The following SHISA9 variants were observed in gnomAD, a reference collection of about 807,000 sequenced individuals.
SHISA9 encodes the protein protein shisa-9.
Under a neutral mutation model 38.0 loss-of-function variants are expected in SHISA9, and 13 were observed. The observed-to-expected ratio is 0.34, with a 90% CI of 0.22 to 0.54. The LOEUF (loss-of-function observed/expected upper bound fraction) is 0.54. SHISA9 is among the 20% of genes least tolerant of loss of function. The pLI, the probability that SHISA9 is intolerant of heterozygous loss-of-function variation, is 0.91. For missense variants in SHISA9, 538 were observed against 575.8 expected (o/e 0.93, Z 0.67); for synonymous variants, 275 against 242.0 (o/e 1.14, Z -1.27).
chr16:13,406,798 G>A, the SHISA9 span, among the ~76,000 whole-genome samples: 1 of 152,160 alleles, frequency 6.6e-6, no homozygotes, highest in Non-Finnish European at 1.5e-5. Flanking sequence ...GTCGGGTGCG[G>A]TGGCTCATGC....
intron 2 of SHISA9, among the ~76,000 whole-genome samples, chr16:13,089,290 T>A (rs1240422786): frequency 2.0e-5 from 3 of 152,218 alleles, no homozygotes; most frequent in African/African-American, 2.4e-5. Flanking sequence ...TGCCAGGCTT[T>A]GGTATCAGGA....
the SHISA9 span, among the ~76,000 whole-genome samples, chr16:13,258,778 G>C: frequency 6.6e-6 from 1 of 152,182 alleles, no homozygotes; most frequent in Non-Finnish European, 1.5e-5. Flanking sequence ...ACTAGAAAGA[G>C]AATAGCATGG....
intron 4 of SHISA9, among the ~76,000 whole-genome samples, chr16:13,223,348 T>G (rs958566013): frequency 3.3e-5 from 5 of 152,170 alleles, no homozygotes; most frequent in Admixed American, 6.5e-5. Context: ...GAGGATCACT[T>G]GAACCCAGGA....
the SHISA9 span, among the ~76,000 whole-genome samples, chr16:13,480,483 C>A: frequency 6.6e-6 from 1 of 152,172 alleles, no homozygotes; most frequent in Non-Finnish European, 1.5e-5. Context: ...CAGCGTGCAC[C>A]TTGCTGGTCA....
At chr16:13,130,724 T>C (rs1369202923) in intron 2 of SHISA9, among the ~76,000 whole-genome samples, 1 of 152,232 alleles carries the variant, frequency 6.6e-6, no homozygotes, top group Non-Finnish European at 1.5e-5. Context: ...AGACTTTGTG[T>C]ACCATGCAAT....
chr16:13,405,135 C>A, the SHISA9 span, among the ~76,000 whole-genome samples: 1 of 152,098 alleles, frequency 6.6e-6, no homozygotes, highest in Non-Finnish European at 1.5e-5. Context: ...TATAGTGTAG[C>A]AAAAGTAGAC....
At chr16:13,480,468 T>C in the SHISA9 span, among the ~76,000 whole-genome samples, 1 of 152,160 alleles carries the variant, frequency 6.6e-6, no homozygotes, top group Non-Finnish European at 1.5e-5. Context: ...CACTCCCCAC[T>C]GTGTCAGCGT....
the SHISA9 span, among the ~76,000 whole-genome samples, chr16:13,275,120 C>G: frequency 6.6e-6 from 1 of 152,272 alleles, no homozygotes; most frequent in South Asian, 2.1e-4. Context: ...ATAAAGACCT[C>G]ACAGGGCTAC....
At chr16:13,005,796 G>A (rs2072590466) in intron 2 of SHISA9, among the ~76,000 whole-genome samples, 1 of 152,174 alleles carries the variant, frequency 6.6e-6, no homozygotes, top group African/African-American at 2.4e-5. Context: ...ATATTGGTGA[G>A]GGTAAAGAGA....
intron 2 of SHISA9, among the ~76,000 whole-genome samples, chr16:13,140,044 C>T (rs2141995099): frequency 6.7e-6 from 1 of 150,070 alleles, no homozygotes; most frequent in African/African-American, 2.5e-5. Context: ...AGATAGTCCC[C>T]TCCCCTCTCC....
chr16:13,559,594 G>C, the SHISA9 span, among the ~76,000 whole-genome samples: 1 of 151,900 alleles, frequency 6.6e-6, no homozygotes, highest in South Asian at 2.1e-4. Context: ...TGTTTCCCAG[G>C]CTGGTCTTAA....
At chr16:13,163,288 G>C (rs973741703) in intron 2 of SHISA9, among the ~76,000 whole-genome samples, 1 of 152,172 alleles carries the variant, frequency 6.6e-6, no homozygotes, top group Non-Finnish European at 1.5e-5. Context: ...TTAAAAAAGA[G>C]TCTTCATTTG....
chr16:13,492,293 C>T, the SHISA9 span, among the ~76,000 whole-genome samples: 1 of 152,158 alleles, frequency 6.6e-6, no homozygotes, highest in Non-Finnish European at 1.5e-5. Flanking sequence ...AGGTGAATCA[C>T]TCCTGGAATT....
intron 2 of SHISA9, among the ~76,000 whole-genome samples, chr16:12,934,343 T>G (rs753822917): frequency 7.2e-5 from 11 of 152,196 alleles, no homozygotes; most frequent in Non-Finnish European, 1.0e-4. Flanking sequence ...CAGTGGATGC[T>G]CCATTGAACA....
chr16:13,463,047 C>T, the SHISA9 span, among the ~76,000 whole-genome samples: 139,447 of 152,192 alleles, frequency 0.92, 63,923 homozygotes, highest in East Asian at 0.98. Flanking sequence ...TCCCAGCTAC[C>T]AGGGAGGCTG....
chr16:13,544,413 G>T, the SHISA9 span, among the ~76,000 whole-genome samples: 1 of 81,442 alleles, frequency 1.2e-5, no homozygotes, highest in African/African-American at 4.8e-5. Flanking sequence ...TGTTTTTTCG[G>T]GTTTTTTTTT....
chr16:12,975,388 C>CGGA (rs2072144212), intron 2 of SHISA9, among the ~76,000 whole-genome samples: 1 of 151,996 alleles, frequency 6.6e-6, no homozygotes, highest in South Asian at 2.1e-4. Context: ...CCTGTAATCC[C>CGGA]AGCTACTCAG....
the SHISA9 span, among the ~76,000 whole-genome samples, chr16:13,422,480 G>A: frequency 6.6e-6 from 1 of 152,176 alleles, no homozygotes; most frequent in Admixed American, 6.5e-5. Flanking sequence ...TGGATCACTT[G>A]AGGTCAGGTG....
chr16:13,353,150 T>C, the SHISA9 span, among the ~76,000 whole-genome samples: 2,916 of 152,042 alleles, frequency 0.019, 40 homozygotes, highest in Middle Eastern at 0.037. Context: ...TTGGGGGCGG[T>C]GTGGGAACCT....
Sources: gnomAD v4.1 joint callset for allele counts (sites outside exome capture counted in the v4.1 genomes callset) on GRCh38, gnomAD v4.1.1 for gene constraint, MANE v1.5 for transcripts, NCBI Gene and HGNC (gene_info 2026-07-23, HGNC 2026-07-21) for gene names.